COMMD1: variants seen among roughly 807,000 people sequenced by gnomAD.
The protein encoded by COMMD1 is COMM domain-containing protein 1.
In COMMD1, 10 loss-of-function variants were observed where a neutral mutation model predicts 17.2. That is an observed-to-expected ratio of 0.58 (90% CI 0.36 to 0.99). COMMD1 has a LOEUF of 0.99. Among genes scored for constraint, COMMD1 ranks in the 50% least tolerant of loss-of-function variants. The pLI is 0.01. For synonymous variants in COMMD1, 97 were observed against 91.6 expected, an observed-to-expected ratio of 1.06 and a Z score of -0.34; for missense variants, 270 against 231.8, an observed-to-expected ratio of 1.17 and a Z score of -1.07.
chr2:62,116,549 A>G (rs902859283), intron 2 of COMMD1, among the ~76,000 whole-genome samples: 1 of 151,790 alleles, frequency 6.6e-6, no homozygotes, highest in Non-Finnish European at 1.5e-5. Context: ...GCATGCGCCT[A>G]TAGTCCCAGC....
intron 1 of COMMD1, among the ~76,000 whole-genome samples, chr2:61,926,419 T>C (rs974469038): frequency 8.5e-5 from 13 of 152,200 alleles, no homozygotes; most frequent in African/African-American, 3.1e-4. Context: ...GTGATGATAA[T>C]CTGTCAAAAG....
At chr2:62,081,046 C>G (rs1400529254) in intron 2 of COMMD1, among the ~76,000 whole-genome samples, 1 of 151,490 alleles carries the variant, frequency 6.6e-6, no homozygotes, top group Non-Finnish European at 1.5e-5. Flanking sequence ...GTATATATAC[C>G]CTTAGATACT....
intron 2 of COMMD1, among the ~76,000 whole-genome samples, chr2:62,117,144 T>G (rs1223197037): frequency 6.6e-6 from 1 of 152,182 alleles, no homozygotes; most frequent in Non-Finnish European, 1.5e-5. Context: ...AGAGACCACC[T>G]TGCCTCATAA....
intron 1 of COMMD1, among the ~76,000 whole-genome samples, chr2:61,933,399 A>G (rs1670520917): frequency 6.6e-6 from 1 of 151,728 alleles, no homozygotes; most frequent in Non-Finnish European, 1.5e-5. Context: ...GGGGGTAAGG[A>G]CGTGGCAGGC....
At chr2:62,078,873 T>C (rs1165776299) in intron 2 of COMMD1, among the ~76,000 whole-genome samples, 1 of 147,438 alleles carries the variant, frequency 6.8e-6, no homozygotes, top group Non-Finnish European at 1.5e-5. Flanking sequence ...TGAGACTCCA[T>C]CTCAGAAAAA....
intron 2 of COMMD1, among the ~76,000 whole-genome samples, chr2:62,096,426 T>C (rs1056658376): frequency 1.3e-5 from 2 of 152,202 alleles, no homozygotes; most frequent in African/African-American, 4.8e-5. Context: ...TTCTCATTTA[T>C]TTCATGTACA....
chr2:61,971,454 G>C (rs1671649823), intron 1 of COMMD1, among the ~76,000 whole-genome samples: 1 of 152,200 alleles, frequency 6.6e-6, no homozygotes, highest in Non-Finnish European at 1.5e-5. Flanking sequence ...ATAAGGAAAG[G>C]AATGTGAGCT....
rs1008697625 is a variant in COMMD1 at position 62,136,054 on chromosome 2, C to G, written c.*113C>G. On this transcript the variant is annotated 3_prime_UTR_variant, in exon 3 of 3. Coordinates refer to ENST00000311832, the MANE Select transcript of COMMD1 (RefSeq NM_152516.4). ...CGCATTGGTATTAAATCCTCGCATT[C>G]AGTCTTCCTGCCTCTACTTGCTCAG... is the stretch of plus-strand genomic sequence containing the variant. The G allele has an allele frequency of 1.4e-6, 1 of 707,678 alleles. No individual in the cohort carries two copies. Among genetic ancestry groups the G allele is most frequent in the East Asian group, 2.7e-5 (1 of 37,196 alleles). The allele number at this position is 707,678 out of a possible 1,614,324, so 43.8% of individuals were successfully genotyped here. A position where few individuals can be genotyped will look rare whatever the true frequency, so the allele number is the denominator to read the frequency against.
intron 2 of COMMD1, among the ~76,000 whole-genome samples, chr2:62,108,790 T>C (rs1672380960): frequency 6.6e-6 from 1 of 152,210 alleles, no homozygotes; most frequent in South Asian, 2.1e-4. Flanking sequence ...TATCCTTCCA[T>C]TTATAGTAGA....
At chr2:62,024,437 T>C (rs1444790958) in intron 2 of COMMD1, among the ~76,000 whole-genome samples, 2 of 152,206 alleles carry the variant, frequency 1.3e-5, no homozygotes, top group Non-Finnish European at 2.9e-5. Context: ...TATATGTGAT[T>C]ATACTCTGTA....
chr2:62,036,583 A>G (rs1670044941), intron 2 of COMMD1, among the ~76,000 whole-genome samples: 1 of 152,178 alleles, frequency 6.6e-6, no homozygotes, highest in Admixed American at 6.5e-5. Flanking sequence ...AGTGCAGCTG[A>G]TAGTGGCTCC....
chr2:61,930,241 T>G (rs867605015), intron 1 of COMMD1, among the ~76,000 whole-genome samples: 5 of 152,116 alleles, frequency 3.3e-5, no homozygotes, highest in Non-Finnish European at 7.4e-5. Flanking sequence ...CAGAACTGAT[T>G]AGTCTCTAAG....
intron 2 of COMMD1, among the ~76,000 whole-genome samples, chr2:62,041,725 G>C (rs999843749): frequency 2.0e-5 from 3 of 152,150 alleles, no homozygotes; most frequent in African/African-American, 4.8e-5. Flanking sequence ...ACCCTCACGG[G>C]TGAGTGTTAC....
At chr2:62,003,669 A>G (rs982451622) in intron 2 of COMMD1, among the ~76,000 whole-genome samples, 1 of 151,998 alleles carries the variant, frequency 6.6e-6, no homozygotes, top group Admixed American at 6.6e-5. Context: ...TTTAATAAGT[A>G]CACTTGGATA....
chr2:62,059,058 G>A (rs1238621671), intron 2 of COMMD1, among the ~76,000 whole-genome samples: 4 of 152,180 alleles, frequency 2.6e-5, no homozygotes, highest in Non-Finnish European at 5.9e-5. Context: ...GATTGCAGGC[G>A]TGAGCCACCG....
chr2:61,925,352 G>A (rs911847136), intron 1 of COMMD1, among the ~76,000 whole-genome samples: 7 of 152,226 alleles, frequency 4.6e-5, no homozygotes, highest in Admixed American at 4.6e-4. Flanking sequence ...ACAGACAGAG[G>A]AGGCAGCACC....
intron 1 of COMMD1, among the ~76,000 whole-genome samples, chr2:61,922,795 T>A (rs1349687872): frequency 6.6e-6 from 1 of 152,210 alleles, no homozygotes; most frequent in Non-Finnish European, 1.5e-5. Context: ...GTATATCCAG[T>A]ATTTAGGAGA....
At chr2:62,035,220 G>A (rs1489570660) in intron 2 of COMMD1, among the ~76,000 whole-genome samples, 3 of 152,084 alleles carry the variant, frequency 2.0e-5, no homozygotes, top group Non-Finnish European at 4.4e-5. Context: ...AAAAGAAATG[G>A]CACCTCTCAT....
chr2:62,070,244 C>G (rs1671162448), intron 2 of COMMD1: 1 of 152,106 alleles, frequency 6.6e-6, no homozygotes, highest in Non-Finnish European at 1.5e-5. Context: ...GTGATTTTTT[C>G]CCAACAAAAA....
Sources: allele counts gnomAD v4.1 joint callset (sites outside exome capture counted in the v4.1 genomes callset), GRCh38; gene constraint gnomAD v4.1.1; transcripts MANE v1.5; gene names NCBI Gene and HGNC (gene_info 2026-07-23, HGNC 2026-07-21).